The following ASB5 variants were observed in gnomAD, a reference collection of about 807,000 sequenced individuals.
ASB5 encodes ankyrin repeat and SOCS box containing 5.
Under a neutral mutation model 42.1 loss-of-function variants are expected in ASB5, and 45 were observed. That is an observed-to-expected ratio of 1.07 (90% confidence interval 0.84 to 1.37). The LOEUF is 1.37. Among genes scored for constraint, ASB5 ranks in the 40% most tolerant of loss-of-function variants. The probability of loss-of-function intolerance (pLI) is 0.00; values close to 1 mark genes in which losing one functional copy is unlikely to be tolerated. For missense variants in ASB5, 402 were observed against 399.8 expected, an observed-to-expected ratio of 1.01 and a Z score of -0.05; for synonymous variants, 147 against 150.6, an observed-to-expected ratio of 0.98 and a Z score of 0.18.
chr4:176,253,253 A>C (rs1754079950), intron 1 of ASB5, among the ~76,000 whole-genome samples: 1 of 152,216 alleles, frequency 6.6e-6, no homozygotes, highest in African/African-American at 2.4e-5. Flanking sequence ...AAAAATGTAC[A>C]TTTATAAAAC....
intron 6 of ASB5, among the ~76,000 whole-genome samples, chr4:176,216,221 G>T (rs928930332): frequency 1.3e-4 from 19 of 151,708 alleles, no homozygotes; most frequent in Admixed American, 4.6e-4. Context: ...TATAAAATGG[G>T]GCATGCTCCA....
At chr4:176,219,115 T>C (rs1753089034) in intron 5 of ASB5, among the ~76,000 whole-genome samples, 2 of 111,676 alleles carry the variant, frequency 1.8e-5, no homozygotes, top group African/African-American at 7.5e-5. Flanking sequence ...TATATATATT[T>C]GTATGATATA....
chr4:176,222,935 G>T lies in ASB5; in HGVS notation c.277-515C>A, dbSNP rs542925275. Among the ~76,000 whole-genome samples, 6 of 114,088 alleles carry T rather than the reference G, an allele frequency of 5.3e-5. No homozygotes were observed. The South Asian group carries it at 1.7e-3, about 32-fold the overall frequency. The allele number at this position is 114,088 out of a possible 152,430, so 74.8% of individuals were successfully genotyped here. A position where few individuals can be genotyped will look rare whatever the true frequency, so the allele number is the denominator to read the frequency against. ...TGGGACTACAGGCGCCCACCACAAG[G>T]CCGGGCTAATTTTTTTGTATTTTTA... On this transcript the variant is annotated intron_variant, in intron 2 of 6. Transcript: ENST00000296525.
At chr4:176,217,168 C>G (rs1579305939) in intron 5 of ASB5, among the ~76,000 whole-genome samples, 159 bp from the exon 6 acceptor site, 1 of 152,128 alleles carries the variant, frequency 6.6e-6, no homozygotes, top group East Asian at 1.9e-4. Flanking sequence ...TATACAGTAT[C>G]TACATACACA....
chr4:176,228,499 T>C (rs1433950155), intron 1 of ASB5, among the ~76,000 whole-genome samples: 3 of 152,206 alleles, frequency 2.0e-5, no homozygotes, highest in Admixed American at 1.3e-4. Context: ...ATACTTTCTC[T>C]CTCAATAACA....
intron 1 of ASB5, among the ~76,000 whole-genome samples, chr4:176,248,853 A>G (rs989838608): frequency 6.6e-6 from 1 of 152,204 alleles, no homozygotes; most frequent in Non-Finnish European, 1.5e-5. Flanking sequence ...AAAACTAGTC[A>G]CTCGGTCTTG....
chr4:176,261,250 A>G (rs1754263422), intron 1 of ASB5, among the ~76,000 whole-genome samples: 1 of 152,206 alleles, frequency 6.6e-6, no homozygotes, highest in Non-Finnish European at 1.5e-5. Context: ...GAGGTATTCC[A>G]TCTTCTCTGA....
chr4:176,263,538 T>A (rs1443967415), intron 1 of ASB5, among the ~76,000 whole-genome samples: 2 of 152,214 alleles, frequency 1.3e-5, no homozygotes, highest in Non-Finnish European at 2.9e-5. Flanking sequence ...TAATGTCATG[T>A]ATTTTGTCAT....
intron 1 of ASB5, among the ~76,000 whole-genome samples, chr4:176,239,291 A>C (rs1253246487): frequency 1.3e-5 from 2 of 152,194 alleles, no homozygotes; most frequent in East Asian, 3.9e-4. Flanking sequence ...TTTTGTTTAA[A>C]ATTAAATTAA....
intron 1 of ASB5, among the ~76,000 whole-genome samples, chr4:176,254,558 T>C (rs1168716726): frequency 6.9e-6 from 1 of 145,972 alleles, no homozygotes. Flanking sequence ...AAATGACAAA[T>C]GGAACCTAAT....
chr4:176,226,500 CAT>C (rs1361138095), intron 1 of ASB5, among the ~76,000 whole-genome samples: 4 of 152,154 alleles, frequency 2.6e-5, no homozygotes, highest in Admixed American at 6.6e-5. Flanking sequence ...TCTCAGCCTC[CAT>C]AGTCATGTGA....
chr4:176,237,925 T>G (rs893506400), intron 1 of ASB5, among the ~76,000 whole-genome samples: 4 of 152,138 alleles, frequency 2.6e-5, no homozygotes, highest in Non-Finnish European at 5.9e-5. Flanking sequence ...GGAGTAAGTA[T>G]GAGATGTGCC....
intron 5 of ASB5, among the ~76,000 whole-genome samples, chr4:176,219,362 T>C (rs1753108513): frequency 1.1e-5 from 1 of 94,986 alleles, no homozygotes; most frequent in African/African-American, 3.8e-5. Context: ...GATATATAAA[T>C]ATATATATTT....
intron 2 of ASB5, 78 bp downstream of exon 2, chr4:176,225,184 T>C (rs1008060990): frequency 2.7e-5 from 32 of 1,196,424 alleles, no homozygotes; most frequent in Non-Finnish European, 3.8e-5. Flanking sequence ...GGTTTTATCA[T>C]ATTTGCATTG....
At chr4:176,261,987 T>C (rs910325333) in intron 1 of ASB5, among the ~76,000 whole-genome samples, 1 of 151,670 alleles carries the variant, frequency 6.6e-6, no homozygotes, top group African/African-American at 2.4e-5. Context: ...TGTTGGTATA[T>C]GTGCATGTAG....
At chr4:176,224,437 G>A (rs901132219) in intron 2 of ASB5, among the ~76,000 whole-genome samples, 6 of 151,932 alleles carry the variant, frequency 3.9e-5, no homozygotes, top group Admixed American at 6.6e-5. Flanking sequence ...GTTTCACCAC[G>A]TTGGCCAGGC....
intron 2 of ASB5, among the ~76,000 whole-genome samples, chr4:176,224,985 A>G (rs1227389617): frequency 6.6e-6 from 1 of 152,244 alleles, no homozygotes; most frequent in African/African-American, 2.4e-5. Flanking sequence ...AGCTCAATCA[A>G]TAACACATAA....
chr4:176,263,596 C>T (rs1431312746), intron 1 of ASB5, among the ~76,000 whole-genome samples: 1 of 152,006 alleles, frequency 6.6e-6, no homozygotes, highest in Non-Finnish European at 1.5e-5. Flanking sequence ...GGAGTTGTTC[C>T]ACCTACGTAT....
intron 1 of ASB5, chr4:176,241,528 G>A (rs1753811995): frequency 6.5e-7 from 1 of 1,532,648 alleles, no homozygotes; most frequent in Non-Finnish European, 8.7e-7. Context: ...AGTTCTCAGA[G>A]GCTGTGCTGC....
Sources: allele counts gnomAD v4.1 joint callset (sites outside exome capture counted in the v4.1 genomes callset), GRCh38; gene constraint gnomAD v4.1.1; transcripts MANE v1.5; gene names NCBI Gene and HGNC (gene_info 2026-07-23, HGNC 2026-07-21).